XRCC5: variants seen among roughly 807,000 people sequenced by gnomAD.
XRCC5 encodes the protein X-ray repair cross complementing 5, also known as DNA repair protein Ku80.
Under a neutral mutation model 95.7 loss-of-function variants are expected in XRCC5, and 12 were observed. That is an observed-to-expected ratio of 0.13 (90% CI 0.08 to 0.20). The LOEUF (loss-of-function observed/expected upper bound fraction) is 0.20, where lower values mean the gene tolerates loss of function less well. XRCC5 is among the 10% of genes least tolerant of loss of function. The pLI is 1.00. For missense variants in XRCC5, 595 were observed against 873.9 expected (o/e 0.68, Z 4.02); for synonymous variants, 281 against 290.3 (o/e 0.97, Z 0.33).
chr2:216,125,832 C>T (rs1306408455), intron 6 of XRCC5, 85 bp from the exon 7 acceptor site: 2 of 1,092,336 alleles, frequency 1.8e-6, no homozygotes, highest in African/African-American at 3.1e-5. Flanking sequence ...TAGCTCACTT[C>T]TCATTGTAGA....
intron 16 of XRCC5, among the ~76,000 whole-genome samples, chr2:216,187,466 C>CTGTGTGTG (rs140171958): frequency 0.016 from 1,812 of 111,244 alleles, 18 homozygotes; most frequent in Admixed American, 0.034. Flanking sequence ...AAGATAGCAA[C>CTGTGTGTG]TGTGTGTGTG....
chr2:216,159,121 C>T (rs1242749332), intron 14 of XRCC5, among the ~76,000 whole-genome samples: 1 of 152,118 alleles, frequency 6.6e-6, no homozygotes, highest in East Asian at 1.9e-4. Flanking sequence ...ATAATATATA[C>T]AATTTTTATG....
chr2:216,205,123 C>CA (rs1202609934), intron 20 of XRCC5, 65 bp from the exon 21 acceptor site: 2 of 1,596,990 alleles, frequency 1.3e-6, no homozygotes, highest in African/African-American at 2.7e-5. Flanking sequence ...AACCCTCTCT[C>CA]ACCAGAGAAG....
At chr2:216,143,675 C>G (rs909670604) in intron 13 of XRCC5, among the ~76,000 whole-genome samples, 7 of 151,148 alleles carry the variant, frequency 4.6e-5, no homozygotes, top group Admixed American at 1.3e-4. Flanking sequence ...TAACAATGAA[C>G]CACGTGCGAA....
intron 2 of XRCC5, 54 bp downstream of exon 2, chr2:216,113,183 C>T: frequency 6.9e-7 from 1 of 1,443,232 alleles, no homozygotes; most frequent in Non-Finnish European, 9.7e-7. Flanking sequence ...TGCTTGTTGC[C>T]TCTACCTACT....
chr2:216,198,744 G>C (rs955997395), intron 19 of XRCC5, among the ~76,000 whole-genome samples: 20 of 152,036 alleles, frequency 1.3e-4, no homozygotes, highest in Admixed American at 3.9e-4. Flanking sequence ...GTAGAGATGG[G>C]GTTTTACCAT....
intron 19 of XRCC5, among the ~76,000 whole-genome samples, chr2:216,196,241 A>C (rs1689718125): frequency 1.3e-5 from 2 of 151,862 alleles, no homozygotes; most frequent in South Asian, 2.1e-4. Context: ...AAAACTTGTC[A>C]TCCCTACTTT....
intron 8 of XRCC5, among the ~76,000 whole-genome samples, chr2:216,128,882 A>T (rs1178765407): frequency 6.6e-6 from 1 of 152,226 alleles, no homozygotes; most frequent in Non-Finnish European, 1.5e-5. Flanking sequence ...TCACATATTC[A>T]AAGCCCCACA....
chr2:216,113,613 A>G (rs910327492), intron 2 of XRCC5, among the ~76,000 whole-genome samples: 4 of 152,174 alleles, frequency 2.6e-5, no homozygotes, highest in Non-Finnish European at 5.9e-5. Flanking sequence ...GTGATTCTCT[A>G]TTGAGGCCTC....
intron 16 of XRCC5, among the ~76,000 whole-genome samples, chr2:216,183,945 A>G (rs1689440651): frequency 6.6e-6 from 1 of 152,190 alleles, no homozygotes; most frequent in Non-Finnish European, 1.5e-5. Context: ...CTAGAAAACA[A>G]GAATACCAAG....
chr2:216,194,990 T>C lies in XRCC5; in HGVS notation c.2109+4T>C. ...CACAGCTGAGGAAGCCAAAAAGGTA[T>C]TGAGGGGTAAACCTTTGTCTTTAGT... On this transcript the variant is annotated splice_donor_region_variant and intron_variant, in intron 19 of 20. Coordinates refer to ENST00000392132, the MANE Select transcript of XRCC5 (RefSeq NM_021141.4). 6.2e-7 allele frequency: 1 copy of C among 1,613,988 alleles called. No homozygotes were observed. Among genetic ancestry groups the C allele is most frequent in the South Asian group, 1.1e-5 (1 of 91,080 alleles).
At chr2:216,169,217 A>G (rs1265435437) in intron 16 of XRCC5, among the ~76,000 whole-genome samples, 1 of 152,258 alleles carries the variant, frequency 6.6e-6, no homozygotes, top group African/African-American at 2.4e-5. Flanking sequence ...ATGAATATTC[A>G]TGAAGGTGGT....
intron 16 of XRCC5, among the ~76,000 whole-genome samples, chr2:216,163,551 A>G (rs1688994049): frequency 7.8e-6 from 1 of 128,260 alleles, no homozygotes; most frequent in African/African-American, 2.6e-5. Flanking sequence ...TGGTCTCCCA[A>G]AGTGCTGGGA....
intron 16 of XRCC5, among the ~76,000 whole-genome samples, chr2:216,187,062 A>G (rs1689506459): frequency 6.6e-6 from 1 of 152,226 alleles, no homozygotes; most frequent in African/African-American, 2.4e-5. Context: ...TCAGTGAACC[A>G]CAAAAGTAGT....
At chr2:216,134,022 G>A (rs1367041370) in intron 10 of XRCC5, among the ~76,000 whole-genome samples, 3 of 152,162 alleles carry the variant, frequency 2.0e-5, no homozygotes, top group Admixed American at 6.5e-5. Flanking sequence ...GGTGCTTTTT[G>A]TTCAAGATGA....
chr2:216,134,676 C>G (rs931924986), intron 10 of XRCC5, among the ~76,000 whole-genome samples: 1 of 151,094 alleles, frequency 6.6e-6, no homozygotes, highest in African/African-American at 2.4e-5. Flanking sequence ...TGATCCACCC[C>G]CCCCCCTCCT....
chr2:216,198,770 C>T (rs1334575219), intron 19 of XRCC5, among the ~76,000 whole-genome samples: 1 of 152,128 alleles, frequency 6.6e-6, no homozygotes, highest in Non-Finnish European at 1.5e-5. Flanking sequence ...CAAGGCTGTT[C>T]TCAAACTCCT....
chr2:216,119,503 C>G (rs1030471866), intron 5 of XRCC5, among the ~76,000 whole-genome samples: 1 of 152,116 alleles, frequency 6.6e-6, no homozygotes, highest in African/African-American at 2.4e-5. Flanking sequence ...GAAGGCTTTA[C>G]CCAAACAATT....
intron 1 of XRCC5, among the ~76,000 whole-genome samples, chr2:216,111,230 T>C (rs976454727): frequency 2.0e-5 from 3 of 152,122 alleles, no homozygotes; most frequent in Non-Finnish European, 2.9e-5. Context: ...TTGTCAAATA[T>C]CTGGGGGGAG....
Sources: allele counts gnomAD v4.1 joint callset (sites outside exome capture counted in the v4.1 genomes callset), GRCh38; gene constraint gnomAD v4.1.1; transcripts MANE v1.5; gene names NCBI Gene and HGNC (gene_info 2026-07-23, HGNC 2026-07-21).